GSE1: variants seen among roughly 807,000 people sequenced by gnomAD.
The protein encoded by GSE1 is Gse1 coiled-coil protein, also known as genetic suppressor element 1.
GSE1 carries 32 observed loss-of-function variants against 112.6 expected under a neutral mutation model. The ratio of observed to expected loss-of-function variants is 0.28; its 90% CI spans 0.21 to 0.38. GSE1 has a LOEUF of 0.38. Ranked by LOEUF, GSE1 falls within the 10% of genes least tolerant of loss-of-function variation. The pLI is 1.00. For synonymous variants in GSE1, 1,115 were observed against 735.6 expected (o/e 1.52, Z -8.35); for missense variants, 2,348 against 1,699.2 (o/e 1.38, Z -6.71).
At chr16:85,465,166 G>A (rs932643388) in intron 2 of GSE1, among the ~76,000 whole-genome samples, 9 of 152,340 alleles carry the variant, frequency 5.9e-5, no homozygotes, top group African/African-American at 2.4e-5. Flanking sequence ...AGTGTGGGAC[G>A]GCCCCTGGTT....
Position 85,451,635 on chromosome 16 carries a change from TGTG to T in GSE1, c.2464+93998_2464+94000del, listed in dbSNP as rs1402491204. Among the ~76,000 whole-genome samples, 3 of 2,166 alleles carry T rather than the reference TGTG, an allele frequency of 1.4e-3. 1 individual carries two copies. Among genetic ancestry groups the T allele is most frequent in the African/African-American group, 1.4e-3 (3 of 2,070 alleles). The allele number at this position is 2,166 out of a possible 152,430, so 1.4% of individuals were successfully genotyped here. A position where few individuals can be genotyped will look rare whatever the true frequency, so the allele number is the denominator to read the frequency against. On this transcript the variant is annotated intron_variant, in intron 2 of 2. Coordinates refer to the GSE1 transcript ENST00000637419. The stretch of plus-strand genomic sequence containing the variant: ...TGTGCTGGTGGTTGGTGCGTGCGCT[TGTG>T]GTGGTTGGTGTGTGTGCTGGTGGTT...
intron 2 of GSE1, among the ~76,000 whole-genome samples, chr16:85,635,223 C>G (rs1334852713): frequency 6.6e-6 from 1 of 152,094 alleles, no homozygotes; most frequent in African/African-American, 2.4e-5. Context: ...TGTGAGAGGA[C>G]ACACCTGACA....
intron 2 of GSE1, among the ~76,000 whole-genome samples, chr16:85,523,465 G>T (rs990997477): frequency 3.3e-5 from 5 of 152,220 alleles, no homozygotes; most frequent in Admixed American, 6.5e-5. Flanking sequence ...CGTCCTGGTT[G>T]GGAGGAGTTG....
chr16:85,226,585 G>A (rs116410704), intron 1 of GSE1, among the ~76,000 whole-genome samples: 1,696 of 152,116 alleles, frequency 0.011, 30 homozygotes, highest in African/African-American at 0.039. Context: ...CTTGGGCCTC[G>A]GTTTCTTCTT....
At position 85,190,888 on chromosome 16, in the gene GSE1, C is replaced by A. The variant is rs191170486; in HGVS notation, c.2283+19081C>A. 8.7e-4 allele frequency among the ~76,000 whole-genome samples: 133 copies of A among 152,374 alleles called. 1 individual carries two copies. The East Asian group carries it at 0.021, about 24-fold the overall frequency. ...GCATCCTGCAGACCCACTGCTCTTT[C>A]ATCTCCAGGGTGGCCTAGGGTCCTG... is the stretch of plus-strand genomic sequence containing the variant. On this transcript the variant is annotated intron_variant, in intron 1 of 2. Transcript: ENST00000637419.
Position 85,672,978 on chromosome 16 carries a change from A to G in GSE1, c.*439A>G, listed in dbSNP as rs1240824166. 6.5e-6 allele frequency: 1 copy of G among 152,762 alleles called. No individual in the cohort carries two copies. Among genetic ancestry groups the G allele is most frequent in the Non-Finnish European group, 1.5e-5 (1 of 68,476 alleles). The allele number at this position is 152,762 out of a possible 1,614,324, so 9.5% of individuals were successfully genotyped here. ...TTGCCGCAGCGATGGGGCCAGTCTC[A>G]TTCCTCCCCAGGAGTGAAACTTGCT... On this transcript the variant is annotated 3_prime_UTR_variant, in exon 16 of 16. Coordinates refer to ENST00000253458, the MANE Select transcript of GSE1 (RefSeq NM_014615.5).
intron 1 of GSE1, among the ~76,000 whole-genome samples, chr16:85,320,440 A>ACTGTTTTGTT (rs2046079601): frequency 1.8e-5 from 1 of 57,062 alleles, no homozygotes; most frequent in Admixed American, 2.0e-4. Context: ...ATACCCGGCT[A>ACTGTTTTGTT]ATGTTTTGTT....
At chr16:85,431,974 C>T (rs771998587) in intron 2 of GSE1, among the ~76,000 whole-genome samples, 8 of 152,290 alleles carry the variant, frequency 5.3e-5, no homozygotes, top group South Asian at 2.1e-4. Context: ...AGGCACAGCA[C>T]GGCATGGGCG....
intron 1 of GSE1, among the ~76,000 whole-genome samples, chr16:85,229,228 G>A (rs1016638077): frequency 1.3e-5 from 2 of 152,248 alleles, no homozygotes. Flanking sequence ...CGGGTAGGGG[G>A]GTGGCAGCCA....
intron 2 of GSE1, among the ~76,000 whole-genome samples, chr16:85,479,731 C>A (rs1046685176): frequency 6.6e-6 from 1 of 152,218 alleles, no homozygotes; most frequent in Non-Finnish European, 1.5e-5. Flanking sequence ...GAGGGGCTGG[C>A]TGGGGACGTC....
Position 85,196,987 on chromosome 16 carries a change from T to G in GSE1, c.2283+25180T>G, listed in dbSNP as rs554706749. On this transcript the variant is annotated intron_variant, in intron 1 of 2. Transcript: ENST00000637419. ...TGGCCAGGGAGTCTGGAGACCCCGG[T>G]ATGGGACCTGCTGCTTATTTGGTGA... is the stretch of plus-strand genomic sequence containing the variant. Among the ~76,000 whole-genome samples, 4 of 152,222 alleles carry G rather than the reference T, an allele frequency of 2.6e-5. No individual in the cohort carries two copies. In the East Asian group the frequency reaches 7.7e-4, roughly 29 times the overall value.
intron 2 of GSE1, among the ~76,000 whole-genome samples, chr16:85,388,472 A>ATGGG (rs1275864872): frequency 5.8e-5 from 1 of 17,300 alleles, no homozygotes; most frequent in Non-Finnish European, 1.1e-4. Flanking sequence ...GGGTGAGTGG[A>ATGGG]TGGGTGGGTG....
At chr16:85,183,191 TCA>T (rs1009376961) in intron 1 of GSE1, among the ~76,000 whole-genome samples, 4 of 152,056 alleles carry the variant, frequency 2.6e-5, no homozygotes, top group Non-Finnish European at 4.4e-5. Context: ...CCGCATGTCC[TCA>T]CACACATGTG....
chr16:85,572,555 C>G (rs1325624493), intron 1 of GSE1, among the ~76,000 whole-genome samples: 1 of 152,078 alleles, frequency 6.6e-6, no homozygotes, highest in Non-Finnish European at 1.5e-5. Flanking sequence ...CAACACACAA[C>G]ACGACATACA....
intron 1 of GSE1, among the ~76,000 whole-genome samples, chr16:85,587,173 C>A (rs572573198): frequency 4.0e-5 from 6 of 150,156 alleles, no homozygotes; most frequent in Admixed American, 2.0e-4. Flanking sequence ...ACGAAACCCC[C>A]CCCCCCCCAG....
chr16:85,449,156 G>C (rs1027631718), intron 2 of GSE1, among the ~76,000 whole-genome samples: 2 of 152,334 alleles, frequency 1.3e-5, no homozygotes, highest in African/African-American at 4.8e-5. Flanking sequence ...AGAACGGAAG[G>C]CTGTTTTTCC....
chr16:85,237,302 G>C (rs565395119), intron 1 of GSE1, among the ~76,000 whole-genome samples: 11 of 152,250 alleles, frequency 7.2e-5, no homozygotes, highest in Non-Finnish European at 1.5e-4. Context: ...CAGCCTGGGC[G>C]ACAGAGCAAG....
chr16:85,499,016 A>T (rs1386867959), intron 2 of GSE1, among the ~76,000 whole-genome samples: 1 of 152,216 alleles, frequency 6.6e-6, no homozygotes, highest in Non-Finnish European at 1.5e-5. Context: ...CCACCATGGG[A>T]CCTGCATTTG....
chr16:85,368,992 A>G (rs1202173839), intron 2 of GSE1, among the ~76,000 whole-genome samples: 1 of 152,034 alleles, frequency 6.6e-6, no homozygotes, highest in African/African-American at 2.4e-5. Flanking sequence ...TCCTAGTCAT[A>G]TTATTTCTGT....
Sources: gnomAD v4.1 joint callset for allele counts (sites outside exome capture counted in the v4.1 genomes callset) on GRCh38, gnomAD v4.1.1 for gene constraint, MANE v1.5 for transcripts, NCBI Gene and HGNC (gene_info 2026-07-23, HGNC 2026-07-21) for gene names.